The following DOK6 variants were observed in gnomAD, a reference collection of about 807,000 sequenced individuals.
DOK6 encodes the protein docking protein 6.
DOK6 carries 22 observed loss-of-function variants against 44.0 expected under a neutral mutation model. The observed-to-expected ratio is 0.50, with a 90% CI of 0.36 to 0.71. DOK6 has a LOEUF of 0.71. Ranked by LOEUF, DOK6 falls within the 30% of genes least tolerant of loss-of-function variation. The pLI is 0.00. For synonymous variants in DOK6, 166 were observed against 145.5 expected (o/e 1.14, Z -1.01); for missense variants, 340 against 416.4 (o/e 0.82, Z 1.60).
chr18:69,743,967 CTTAA>C (rs1358900923), intron 6 of DOK6, among the ~76,000 whole-genome samples: 1 of 152,128 alleles, frequency 6.6e-6, no homozygotes, highest in Non-Finnish European at 1.5e-5. Context: ...TGTCTAATGC[CTTAA>C]AAACATCATC....
At chr18:69,739,269 A>G (rs566606225) in intron 6 of DOK6, 166 bp downstream of exon 6, 48 of 863,002 alleles carry the variant, frequency 5.6e-5, no homozygotes, top group African/African-American at 3.4e-4. Context: ...CCTATTCAAT[A>G]TGTCAAAAAA....
At chr18:69,568,636 A>G (rs778346108) in intron 2 of DOK6, among the ~76,000 whole-genome samples, 3 of 152,102 alleles carry the variant, frequency 2.0e-5, no homozygotes, top group African/African-American at 4.8e-5. Flanking sequence ...CCTGTTAGAA[A>G]CCAGGCTGCA....
At chr18:69,596,988 A>G (rs1983756470) in intron 2 of DOK6, among the ~76,000 whole-genome samples, 1 of 152,096 alleles carries the variant, frequency 6.6e-6, no homozygotes, top group Non-Finnish European at 1.5e-5. Flanking sequence ...TACAGAAATT[A>G]TAAAGAAAAT....
In DOK6 at chr18:69,842,528, T is replaced by G. The variant is rs898674208; in HGVS notation, c.*1145T>G. 1.1e-4 allele frequency: 17 copies of G among 151,796 alleles called. No homozygotes were observed. Among genetic ancestry groups the G allele is most frequent in the African/African-American group, 4.1e-4 (17 of 41,064 alleles). The allele number at this position is 151,796 out of a possible 1,614,324, so 9.4% of individuals were successfully genotyped here. On this transcript the variant is annotated 3_prime_UTR_variant, in exon 8 of 8. Coordinates refer to ENST00000382713, the MANE Select transcript of DOK6 (RefSeq NM_152721.6). Reference sequence around the variant, plus strand: ...GGATTGTGGATATCATAGATGCTGTTCTCACACAACCACTGGGGGCTTGTA... The same window carrying G: ...GGATTGTGGATATCATAGATGCTGTGCTCACACAACCACTGGGGGCTTGTA...
chr18:69,560,538 A>G (rs1982803529), intron 1 of DOK6, among the ~76,000 whole-genome samples: 1 of 152,198 alleles, frequency 6.6e-6, no homozygotes, highest in Admixed American at 6.6e-5. Flanking sequence ...GGTTTTGTTT[A>G]TTGATACTAT....
chr18:69,522,506 C>G (rs1302205618), intron 1 of DOK6, among the ~76,000 whole-genome samples: 2 of 151,878 alleles, frequency 1.3e-5, no homozygotes, highest in Non-Finnish European at 2.9e-5. Context: ...TCTTTACATA[C>G]TTATGGATGG....
chr18:69,835,914 G>T (rs918158725), intron 7 of DOK6, among the ~76,000 whole-genome samples: 1 of 152,154 alleles, frequency 6.6e-6, no homozygotes, highest in African/African-American at 2.4e-5. Flanking sequence ...CAAGTTTTAT[G>T]CTTTGGGATC....
intron 3 of DOK6, among the ~76,000 whole-genome samples, chr18:69,663,765 C>T (rs1305240517): frequency 6.6e-6 from 1 of 152,250 alleles, no homozygotes; most frequent in Non-Finnish European, 1.5e-5. Flanking sequence ...ACAAGCCTAT[C>T]CTCAAATCTC....
intron 1 of DOK6, among the ~76,000 whole-genome samples, chr18:69,416,403 A>G (rs1978342609): frequency 6.6e-6 from 1 of 152,158 alleles, no homozygotes; most frequent in South Asian, 2.1e-4. Context: ...ATATGAATAC[A>G]CAAGTATGAT....
intron 7 of DOK6, among the ~76,000 whole-genome samples, chr18:69,821,822 T>C (rs1204946202): frequency 3.3e-5 from 5 of 151,768 alleles, no homozygotes; most frequent in African/African-American, 1.2e-4. Flanking sequence ...TTGAAGACTC[T>C]TGCCATCAAA....
Position 69,749,784 on chromosome 18 carries a change from CA to C in DOK6, c.739-7964del, listed in dbSNP as rs773201819. 8.6e-5 allele frequency among the ~76,000 whole-genome samples: 13 copies of C among 150,906 alleles called. No homozygotes were observed. The East Asian group carries it at 9.7e-4, about 11-fold the overall frequency. On this transcript the variant is annotated intron_variant, in intron 6 of 7. Transcript: ENST00000382713. ...TGAAACCCTGTCTCTTCTAAAAATA[CA>C]AAAAAAATTAGCTGGGCGTGATGGT...
At chr18:69,839,610 C>G (rs1286338336) in intron 7 of DOK6, among the ~76,000 whole-genome samples, 1 of 152,222 alleles carries the variant, frequency 6.6e-6, no homozygotes, top group East Asian at 1.9e-4. Context: ...GAGGCTGCTT[C>G]AAGAGCTGGG....
intron 3 of DOK6, among the ~76,000 whole-genome samples, chr18:69,642,382 T>C (rs1182403310): frequency 6.6e-6 from 1 of 152,126 alleles, no homozygotes; most frequent in Non-Finnish European, 1.5e-5. Flanking sequence ...AAGAACCACT[T>C]GTTTGCTAGG....
chr18:69,587,288 T>C (rs1440876765), intron 2 of DOK6, among the ~76,000 whole-genome samples: 2 of 152,106 alleles, frequency 1.3e-5, no homozygotes, highest in African/African-American at 2.4e-5. Context: ...TCTCCTTGCT[T>C]GCATTTTTCA....
chr18:69,520,188 C>T (rs1028380474), intron 1 of DOK6, among the ~76,000 whole-genome samples: 8 of 151,586 alleles, frequency 5.3e-5, no homozygotes, highest in African/African-American at 1.9e-4. Flanking sequence ...TTTAGTTACC[C>T]TCAATGATGT....
intron 4 of DOK6, among the ~76,000 whole-genome samples, chr18:69,679,740 T>A (rs17081499): frequency 0.012 from 1,866 of 152,304 alleles, 38 homozygotes; most frequent in African/African-American, 0.041. Flanking sequence ...CTTTGAAGAT[T>A]TGGAGATATA....
chr18:69,817,462 T>G (rs1377481461), intron 7 of DOK6, among the ~76,000 whole-genome samples: 2 of 152,182 alleles, frequency 1.3e-5, no homozygotes, highest in African/African-American at 4.8e-5. Context: ...ATTTATTTTC[T>G]CACAGTTCTG....
chr18:69,642,236 T>A (rs2144654966), intron 3 of DOK6, among the ~76,000 whole-genome samples: 1 of 152,332 alleles, frequency 6.6e-6, no homozygotes, highest in Non-Finnish European at 1.5e-5. Flanking sequence ...ATAAATGCAA[T>A]ACCATGATCA....
chr18:69,539,723 C>T (rs60772386), intron 1 of DOK6, among the ~76,000 whole-genome samples: 25,029 of 151,842 alleles, frequency 0.16, 3,328 homozygotes, highest in African/African-American at 0.37. Flanking sequence ...TTCTATAATA[C>T]AGAACTTATG....
Sources: gnomAD v4.1 joint callset for allele counts (sites outside exome capture counted in the v4.1 genomes callset) on GRCh38, gnomAD v4.1.1 for gene constraint, MANE v1.5 for transcripts, NCBI Gene and HGNC (gene_info 2026-07-23, HGNC 2026-07-21) for gene names.